WDR12: variants seen among roughly 807,000 people sequenced by gnomAD.
WDR12 encodes the protein WD repeat domain 12.
In WDR12, 42 loss-of-function variants were observed where a neutral mutation model predicts 64.3. The observed-to-expected ratio is 0.65, with a 90% CI of 0.51 to 0.84. The LOEUF is 0.84. WDR12 is among the 40% of genes least tolerant of loss of function. WDR12 has a pLI of 0.00. For synonymous variants in WDR12, 158 were observed against 173.3 expected (o/e 0.91, Z 0.70); for missense variants, 469 against 494.6 (o/e 0.95, Z 0.49).
Position 202,911,487 on chromosome 2 carries a change from A to G in WDR12, c.-11T>C. 1.2e-6 allele frequency: 2 copies of G among 1,614,014 alleles called. No homozygotes were observed. Among genetic ancestry groups the G allele is most frequent in the Non-Finnish European group, 1.7e-6 (2 of 1,179,874 alleles). On this transcript the variant is annotated 5_prime_UTR_variant, in exon 1 of 13. Transcript: ENST00000261015. ...TTGGAGCTGAGCCATGGCGAGGAGT[A>G]CACACGACTTGCCCACGGAAACGTA...
At chr2:202,881,259 G>A (rs1054362650) in intron 12 of WDR12, among the ~76,000 whole-genome samples, 10 of 152,080 alleles carry the variant, frequency 6.6e-5, no homozygotes, top group Non-Finnish European at 1.5e-4. Flanking sequence ...AATTTTTAAA[G>A]GACAACACAT....
At chr2:202,901,177 G>A (rs1688343595) in intron 2 of WDR12, 58 bp from the exon 3 acceptor site, 3 of 1,353,200 alleles carry the variant, frequency 2.2e-6, no homozygotes, top group Non-Finnish European at 3.0e-6. Flanking sequence ...TATTGGCAGA[G>A]GTATATGAGA....
Position 202,897,367 on chromosome 2 carries a change from T to C in WDR12, c.387A>G (p.Glu129=). 6.3e-7 allele frequency: 1 copy of C among 1,598,662 alleles called. No homozygotes were observed. The highest frequency in any genetic ancestry group is 8.5e-7 in the Non-Finnish European group (1 of 1,173,652). Residue 129 remains glutamate (E), a synonymous_variant, in exon 5 of 13, where the codon GAA becomes GAG. Transcript: ENST00000261015. ...CCACAATTGTCATTATTGACTTTCC[T>C]TCCAAGGACCAGATCCGAGAAGTCT... ...YDKTSRIWSL[E]GKSIMTIVGH...
chr2:202,888,048 A>G (rs1240275309), intron 8 of WDR12, among the ~76,000 whole-genome samples: 2 of 152,238 alleles, frequency 1.3e-5, no homozygotes, highest in Non-Finnish European at 2.9e-5. Flanking sequence ...TTTACTTATA[A>G]CTGCCAAACT....
At chr2:202,882,887 C>T (rs769859861) in intron 11 of WDR12, 104 bp from the exon 12 acceptor site, 107 of 1,081,800 alleles carry the variant, frequency 9.9e-5, no homozygotes, top group Non-Finnish European at 1.3e-4. Context: ...GTTTACCAAC[C>T]TTGCCCCAAT....
chr2:202,883,615 G>A lies in WDR12; in HGVS notation c.1115C>T (p.Thr372Ile), dbSNP rs1227759297. The A allele has an allele frequency of 6.2e-7, 1 of 1,613,608 alleles. No homozygotes were observed. Among genetic ancestry groups the A allele is most frequent in the Admixed American group, 1.7e-5 (1 of 59,944 alleles). ...GATCATAAATAGAATTTACCTTCTT[G>A]TATCCCACAGCTTAACAATGTTATC... The part of the protein sequence containing the change: ...SLDNIVKLWD[T>I]RSCKAPLYDL... Residue 372 changes from threonine (T) to isoleucine (I), a missense_variant, in exon 11 of 13, where the codon ACA (threonine) becomes ATA (isoleucine). By Grantham distance (89) the Thr-to-Ile change is moderately conservative (BLOSUM62 -1). Transcript: ENST00000261015.
chr2:202,887,894 CAAAAAAAA>C (rs778475206), intron 8 of WDR12, among the ~76,000 whole-genome samples: 4 of 60,752 alleles, frequency 6.6e-5, no homozygotes, highest in Admixed American at 5.1e-4. Flanking sequence ...GACTCCGTCT[CAAAAAAAA>C]AAAAAAAAAA....
intron 2 of WDR12, among the ~76,000 whole-genome samples, chr2:202,904,062 C>T (rs937832443): frequency 2.8e-5 from 4 of 142,720 alleles, no homozygotes; most frequent in East Asian, 4.3e-4. Context: ...CGCTTGAAAC[C>T]GGGAGGTGGA....
chr2:202,894,864 C>A, intron 6 of WDR12: 1 of 378,540 alleles, frequency 2.6e-6, no homozygotes, highest in Non-Finnish European at 4.8e-6. Flanking sequence ...AGAATAAAGT[C>A]AACTTGAGGG....
intron 4 of WDR12, among the ~76,000 whole-genome samples, chr2:202,897,926 A>ATATATATATATATATAT (rs1559162254): frequency 1.7e-4 from 9 of 54,186 alleles, no homozygotes; most frequent in Admixed American, 2.9e-4. Flanking sequence ...TATATATATA[A>ATATATATATATATATAT]AAAATATATA....
In WDR12 at chr2:202,879,629, A is replaced by T. The variant is rs1323867655; in HGVS notation, c.*1231T>A. On this transcript the variant is annotated 3_prime_UTR_variant, in exon 13 of 13. Coordinates refer to ENST00000261015, the MANE Select transcript of WDR12 (RefSeq NM_018256.4). ...TTTTTTTTAGTAGAGACAAAGTTTC[A>T]CCATGTTGGTCAGGCTGGTCTCGAA... The T allele has an allele frequency of 6.6e-6, 1 of 150,868 alleles. No homozygotes were observed. The highest frequency in any genetic ancestry group is 2.4e-5 in the African/African-American group (1 of 40,932). The allele number at this position is 150,868 out of a possible 1,614,324, so 9.3% of individuals were successfully genotyped here. A position where few individuals can be genotyped will look rare whatever the true frequency, so the allele number is the denominator to read the frequency against.
At chr2:202,901,250 G>T (rs915797060) in intron 2 of WDR12, 131 bp from the exon 3 acceptor site, 5 of 500,458 alleles carry the variant, frequency 1.0e-5, no homozygotes, top group Non-Finnish European at 1.7e-5. Context: ...TGATTTTTAA[G>T]ATCAGAAATA....
At chr2:202,890,996 T>TA (rs71030997) in intron 8 of WDR12, among the ~76,000 whole-genome samples, 87,378 of 111,074 alleles carry the variant, frequency 0.79, 36,906 homozygotes, top group Non-Finnish European at 0.93. Context: ...TTTGTCTCTT[T>TA]AAAAAAAAAA....
chr2:202,899,238 G>T (rs1394700916), intron 4 of WDR12, among the ~76,000 whole-genome samples: 2 of 151,562 alleles, frequency 1.3e-5, no homozygotes, highest in African/African-American at 4.9e-5. Context: ...TAGAGACAGG[G>T]TTTCACCATG....
In WDR12 at chr2:202,900,789, G is replaced by T. The variant is rs534210720; in HGVS notation, c.231+236C>A. Among the ~76,000 whole-genome samples the T allele has an allele frequency of 9.0e-4, 137 of 152,082 alleles. 3 individuals carry two copies. The South Asian group carries it at 0.027, about 30-fold the overall frequency. On this transcript the variant is annotated intron_variant, in intron 3 of 12. Coordinates refer to ENST00000261015, the MANE Select transcript of WDR12 (RefSeq NM_018256.4). ...TGAATAAAACACTCTCACAAAAAAA[G>T]AGGGCTTCAAAATTGAATATACAGG...
At chr2:202,894,320 A>G (rs1186805368) in intron 7 of WDR12, among the ~76,000 whole-genome samples, 1 of 151,978 alleles carries the variant, frequency 6.6e-6, no homozygotes, top group Admixed American at 6.6e-5. Flanking sequence ...AGGCTCAAAC[A>G]ATCCCCTTAC....
At position 202,876,543 on chromosome 2, in the gene WDR12, T is replaced by C. The variant is rs886579264; in HGVS notation, c.*4317A>G. Reference sequence around the variant, plus strand: ...GAAATCTGATTCTAATTAGTGGCTTTTTAAATAAAAAAGATATTATTGGAA... The same window carrying C: ...GAAATCTGATTCTAATTAGTGGCTTCTTAAATAAAAAAGATATTATTGGAA... On this transcript the variant is annotated 3_prime_UTR_variant, in exon 13 of 13. Transcript: ENST00000261015. 6.6e-6 allele frequency: 1 copy of C among 152,224 alleles called. No individual in the cohort carries two copies. The highest frequency in any genetic ancestry group is 1.5e-5 in the Non-Finnish European group (1 of 68,044). 9.4% of individuals were successfully genotyped at this position (152,224 alleles called of 1,614,324 possible).
At position 202,877,298 on chromosome 2, in the gene WDR12, A is replaced by G. The variant is rs1687876329; in HGVS notation, c.*3562T>C. ...AAGAAAATATTGATCATCTTCTCATAGAAAAGCTATGTTTTTCTACAAAGG... is the reference window on the plus strand; with the variant it reads ...AAGAAAATATTGATCATCTTCTCATGGAAAAGCTATGTTTTTCTACAAAGG... On this transcript the variant is annotated 3_prime_UTR_variant, in exon 13 of 13. Transcript: ENST00000261015. 6.6e-6 allele frequency: 1 copy of G among 152,144 alleles called. No homozygotes were observed. Among genetic ancestry groups the G allele is most frequent in the Non-Finnish European group, 1.5e-5 (1 of 68,024 alleles). The allele number at this position is 152,144 out of a possible 1,614,324, so 9.4% of individuals were successfully genotyped here.
Position 202,880,797 on chromosome 2 carries a change from T to A in WDR12, c.*63A>T. ...CTTTCTGCATCTGCATCTATGTAAT[T>A]TCATGGTTCTCTACCAATTTCATTT... On this transcript the variant is annotated 3_prime_UTR_variant, in exon 13 of 13. Coordinates refer to ENST00000261015, the MANE Select transcript of WDR12 (RefSeq NM_018256.4). 3 of 1,476,714 alleles carry A rather than the reference T, an allele frequency of 2.0e-6. No homozygotes were observed. Among genetic ancestry groups the A allele is most frequent in the Non-Finnish European group, 2.8e-6 (3 of 1,081,588 alleles). The allele number at this position is 1,476,714 out of a possible 1,614,324, so 91.5% of individuals were successfully genotyped here. A position where few individuals can be genotyped will look rare whatever the true frequency, so the allele number is the denominator to read the frequency against.
Sources: gnomAD v4.1 joint callset for allele counts (sites outside exome capture counted in the v4.1 genomes callset) on GRCh38, gnomAD v4.1.1 for gene constraint, MANE v1.5 for transcripts, NCBI Gene and HGNC (gene_info 2026-07-23, HGNC 2026-07-21) for gene names.